The following MIOS variants were observed in gnomAD, a reference collection of about 807,000 sequenced individuals.
The protein encoded by MIOS is meiosis regulator for oocyte development.
MIOS carries 52 observed loss-of-function variants against 96.9 expected under a neutral mutation model. That is an observed-to-expected ratio of 0.54 (90% confidence interval 0.43 to 0.68). The LOEUF (loss-of-function observed/expected upper bound fraction) is 0.68. Among genes scored for constraint, MIOS ranks in the 30% least tolerant of loss-of-function variants. The probability of loss-of-function intolerance (pLI) is 0.00; values close to 1 mark genes in which losing one functional copy is unlikely to be tolerated. For missense variants in MIOS, 1,005 were observed against 1,052.8 expected, an observed-to-expected ratio of 0.95 and a Z score of 0.63; for synonymous variants, 397 against 359.5, an observed-to-expected ratio of 1.10 and a Z score of -1.18.
At chr7:7,602,031 G>C (rs1468222880) in intron 11 of MIOS, among the ~76,000 whole-genome samples, 2 of 152,270 alleles carry the variant, frequency 1.3e-5, no homozygotes, top group East Asian at 3.9e-4. Flanking sequence ...AACCCTTCAT[G>C]CTAAAAACTC....
In MIOS at chr7:7,583,268, T is replaced by C; in HGVS notation, c.1544T>C (p.Leu515Pro). The C allele has an allele frequency of 6.2e-7, 1 of 1,614,124 alleles. No homozygotes were observed. The highest frequency in any genetic ancestry group is 2.2e-5 in the East Asian group (1 of 44,862). The stretch of plus-strand genomic sequence containing the variant: ...GACGTGGGGCCATTTTTGAACTCCC[T>C]TGTACAAGAAGGGGAATGGGAAAGA... Reference protein sequence around the residue: ...DVDVGPFLNSLVQEGEWERAA... With the variant: ...DVDVGPFLNSPVQEGEWERAA... Residue 515 changes from leucine (L) to proline (P), a missense_variant, in exon 6 of 13, where the codon CTT becomes CCT. Leu to Pro is a moderately conservative substitution (Grantham distance 98, BLOSUM62 -3). Transcript: ENST00000340080.
Position 7,608,276 on chromosome 7 carries a change from G to T in MIOS, c.*1184G>T, listed in dbSNP as rs1349636341. On this transcript the variant is annotated 3_prime_UTR_variant, in exon 13 of 13. Transcript: ENST00000340080. ...GAGGGACTGAACTAGGAATTTTGTA[G>T]TTGAAGCTGTGTTCATAAAGAGTAA... The T allele has an allele frequency of 6.6e-6, 1 of 152,048 alleles. No individual in the cohort carries two copies. Among genetic ancestry groups the T allele is most frequent in the African/African-American group, 2.4e-5 (1 of 41,442 alleles). 9.4% of individuals were successfully genotyped at this position (152,048 alleles called of 1,614,324 possible).
At position 7,586,155 on chromosome 7, in the gene MIOS, C is replaced by CGTGT. The variant is rs10527974; in HGVS notation, c.1818+387_1818+390dup. Among the ~76,000 whole-genome samples the CGTGT allele has an allele frequency of 3.8e-3, 577 of 150,036 alleles. 3 individuals are homozygous for CGTGT. Among genetic ancestry groups the CGTGT allele is most frequent in the Non-Finnish European group, 6.0e-3 (404 of 67,416 alleles). ...GCTGTTTACACTGTGCACACATGCA[C>CGTGT]GTGTGTGTGTGTGTGTGTGTGTGTG... On this transcript the variant is annotated intron_variant, in intron 7 of 12. Transcript: ENST00000340080.
In MIOS at chr7:7,573,350, T is replaced by C; in HGVS notation, c.875T>C (p.Ile292Thr). Residue 292 changes from isoleucine to threonine, a missense_variant, in exon 4 of 13, where the codon ATT becomes ACT. Ile to Thr is a moderately conservative substitution (Grantham distance 89, BLOSUM62 -1). This residue lies in a region of MIOS where 865 missense variants were observed against 887.9 expected (regional missense o/e 0.97). Coordinates refer to ENST00000340080, the MANE Select transcript of MIOS (RefSeq NM_019005.4). The surrounding 1 kb of genome is among the most constrained non-coding windows in gnomAD (Gnocchi z 5.0). ...LLATLTRDSN[I>T]IRLYDMQHTP... is the part of the protein sequence containing the mutation. ...GCCACTTTAACAAGGGATAGTAATATTATTAGATTGTATGATATGCAGCAT... is the reference window on the plus strand; with the variant it reads ...GCCACTTTAACAAGGGATAGTAATACTATTAGATTGTATGATATGCAGCAT... The C allele has an allele frequency of 6.2e-7, 1 of 1,614,098 alleles. No individual in the cohort carries two copies. Among genetic ancestry groups the C allele is most frequent in the Non-Finnish European group, 8.5e-7 (1 of 1,179,964 alleles).
chr7:7,568,166 C>T (rs1011560113), intron 3 of MIOS, 43 bp downstream of exon 3: 3 of 152,050 alleles, frequency 2.0e-5, no homozygotes, highest in Admixed American at 6.5e-5. Context: ...AGACCGCACC[C>T]CTTCTACACC....
chr7:7,596,340 G>A lies in MIOS; in HGVS notation c.2280G>A (p.Gln760=). The change falls in exon 11 of 13, where the codon CAG becomes CAA. Residue 760 remains glutamine (Q), a synonymous_variant. Transcript: ENST00000340080. ...CTCATCAGGGCAGAGGTTTTAGTCA[G>A]TATGGTGTGAGTGGCTCACCAACGA... ...AVPHQGRGFS[Q]YGVSGSPTKS... is the part of the protein sequence containing the mutation. 6.2e-7 allele frequency: 1 copy of A among 1,614,138 alleles called. No homozygotes were observed. Among genetic ancestry groups the A allele is most frequent in the Non-Finnish European group, 8.5e-7 (1 of 1,180,018 alleles).
chr7:7,600,275 A>C (rs899137079), intron 11 of MIOS, among the ~76,000 whole-genome samples: 1 of 152,058 alleles, frequency 6.6e-6, no homozygotes, highest in Non-Finnish European at 1.5e-5. Context: ...CAAGTGCTGG[A>C]TAATTGGATA....
intron 11 of MIOS, among the ~76,000 whole-genome samples, chr7:7,597,464 A>G (rs1458101175): frequency 9.7e-6 from 1 of 103,064 alleles, no homozygotes; most frequent in Admixed American, 1.1e-4. Flanking sequence ...GTTACCTAGT[A>G]AATTTATATA....
Position 7,601,721 on chromosome 7 carries a change from A to T in MIOS, c.2402-4221A>T, listed in dbSNP as rs577203988. ...GAGGGAATCCTCCCCAACTCATTTT[A>T]TGAGGCCAGCATCATCCTGATACCA... On this transcript the variant is annotated intron_variant, in intron 11 of 12. Transcript: ENST00000340080. Among the ~76,000 whole-genome samples, 11 of 152,320 alleles carry T rather than the reference A, an allele frequency of 7.2e-5. No individual in the cohort carries two copies. In the East Asian group the frequency reaches 9.6e-4, roughly 13 times the overall value.
chr7:7,593,203 C>G (rs1396217818), intron 9 of MIOS, among the ~76,000 whole-genome samples: 2 of 152,154 alleles, frequency 1.3e-5, no homozygotes, highest in Admixed American at 1.3e-4. Flanking sequence ...TACTTTGGTA[C>G]TTAGTTCTGC....
At chr7:7,590,487 A>G (rs930286940) in intron 9 of MIOS, among the ~76,000 whole-genome samples, 2 of 152,236 alleles carry the variant, frequency 1.3e-5, no homozygotes, top group Non-Finnish European at 2.9e-5. Context: ...TAAAATGCAG[A>G]CAATACAGAT....
intron 5 of MIOS, among the ~76,000 whole-genome samples, chr7:7,579,565 G>A (rs1374163566): frequency 6.6e-6 from 1 of 152,196 alleles, no homozygotes; most frequent in Non-Finnish European, 1.5e-5. Context: ...AAGCAGAGGT[G>A]TCCAATCTTG....
At chr7:7,603,461 A>G (rs1274347055) in intron 11 of MIOS, among the ~76,000 whole-genome samples, 3 of 151,852 alleles carry the variant, frequency 2.0e-5, no homozygotes, top group African/African-American at 7.3e-5. Flanking sequence ...ACGTGAAAAA[A>G]TGTTCATCAT....
intron 9 of MIOS, among the ~76,000 whole-genome samples, chr7:7,593,376 A>G (rs1029459575): frequency 2.0e-5 from 3 of 152,172 alleles, no homozygotes; most frequent in Non-Finnish European, 2.9e-5. Flanking sequence ...TTGGATGTCT[A>G]AAGATTATAT....
intron 5 of MIOS, among the ~76,000 whole-genome samples, chr7:7,580,993 TTTTCTTAAAAA>T (rs1180426487): frequency 1.3e-5 from 2 of 149,524 alleles, no homozygotes; most frequent in Non-Finnish European, 1.5e-5. Flanking sequence ...GGCCTAAAAT[TTTTCTTAAAAA>T]TCATTTAGTC....
intron 5 of MIOS, among the ~76,000 whole-genome samples, chr7:7,577,114 T>A (rs1266430513): frequency 6.6e-6 from 1 of 152,122 alleles, no homozygotes; most frequent in Non-Finnish European, 1.5e-5. Context: ...AATGGAATTG[T>A]TTGGAGTAAG....
At chr7:7,587,175 A>T (rs1041292482) in intron 7 of MIOS, among the ~76,000 whole-genome samples, 1 of 151,866 alleles carries the variant, frequency 6.6e-6, no homozygotes. Flanking sequence ...CATGCCGGCT[A>T]ATTTTTGTAT....
chr7:7,601,283 G>GT (rs540107163), intron 11 of MIOS, among the ~76,000 whole-genome samples: 1,826 of 148,288 alleles, frequency 0.012, 25 homozygotes, highest in African/African-American at 0.032. Context: ...CCAGGAGCTG[G>GT]TTTTTTTTTT....
At chr7:7,594,615 T>C (rs532383180) in intron 9 of MIOS, among the ~76,000 whole-genome samples, 2 of 152,278 alleles carry the variant, frequency 1.3e-5, no homozygotes, top group South Asian at 4.1e-4. Flanking sequence ...TTGGATTTGA[T>C]AGTAAACAGA....
Sources: gnomAD v4.1 joint callset for allele counts (sites outside exome capture counted in the v4.1 genomes callset) on GRCh38, gnomAD v4.1.1 for gene constraint, gnomAD v4.1.1 regional missense constraint, Gnocchi (gnomAD v3.1) non-coding constraint, MANE v1.5 for transcripts, NCBI Gene and HGNC (gene_info 2026-07-23, HGNC 2026-07-21) for gene names.